The following RELL1 variants were observed in gnomAD, a reference collection of about 807,000 sequenced individuals.
RELL1 encodes the protein RELT-like protein 1.
In RELL1, 10 loss-of-function variants were observed where a neutral mutation model predicts 23.0. The observed-to-expected ratio is 0.43, with a 90% CI of 0.27 to 0.74. The LOEUF is 0.74. Among genes scored for constraint, RELL1 ranks in the 30% least tolerant of loss-of-function variants. The probability of loss-of-function intolerance (pLI) is 0.19; values close to 1 mark genes in which losing one functional copy is unlikely to be tolerated. For synonymous variants in RELL1, 146 were observed against 146.8 expected (o/e 0.99, Z 0.04); for missense variants, 315 against 364.4 (o/e 0.86, Z 1.10).
In RELL1 at chr4:37,622,782, T is replaced by C. The variant is rs1214076960; in HGVS notation, c.*3+8603A>G. On this transcript the variant is annotated intron_variant, in intron 6 of 6. Transcript: ENST00000454158. ...ACACAGCAAACTGCCTGGCACATAG[T>C]AGGGTCTCAAGTAATGCTTTTTTTT... 4 of 449,964 alleles carry C rather than the reference T, an allele frequency of 8.9e-6. No homozygotes were observed. In the Admixed American group the frequency reaches 9.5e-5, roughly 11 times the overall value. 27.9% of individuals were successfully genotyped at this position (449,964 alleles called of 1,614,324 possible). A position where few individuals can be genotyped will look rare whatever the true frequency, so the allele number is the denominator to read the frequency against.
chr4:37,624,117 A>C (rs896987836), intron 6 of RELL1, among the ~76,000 whole-genome samples: 3 of 152,112 alleles, frequency 2.0e-5, no homozygotes, highest in African/African-American at 7.2e-5. Context: ...GCCTTTCCTC[A>C]CTGTTAGAGG....
At chr4:37,590,104 G>T, downstream of RELL1, 2 of 1,613,230 alleles carry the variant, frequency 1.2e-6, no homozygotes, top group South Asian at 2.2e-5. Flanking sequence ...CTTTGATCCA[G>T]TTCAAGTGCC....
intron 6 of RELL1, 141 bp from the exon 7 acceptor site, chr4:37,613,483 T>G (rs894749200): frequency 6.6e-6 from 1 of 151,358 alleles, no homozygotes; most frequent in Admixed American, 6.6e-5. Flanking sequence ...CCATTCCTTC[T>G]ACCACTGTAC....
chr4:37,677,349 C>T (rs1220357792), intron 1 of RELL1, among the ~76,000 whole-genome samples: 1 of 152,216 alleles, frequency 6.6e-6, no homozygotes, highest in African/African-American at 2.4e-5. Context: ...TCTGCATCTG[C>T]TAAATAAAAG....
At chr4:37,589,041 G>C, downstream of RELL1, 1 of 579,814 alleles carries the variant, frequency 1.7e-6, no homozygotes. Flanking sequence ...GTTTGGAATT[G>C]TTATAATATC....
chr4:37,673,822 G>C (rs75594269), intron 1 of RELL1, among the ~76,000 whole-genome samples: 1 of 151,980 alleles, frequency 6.6e-6, no homozygotes, highest in Non-Finnish European at 1.5e-5. Flanking sequence ...CCTATCCTCC[G>C]CAACTACACA....
At chr4:37,590,747 C>T (rs149531145), downstream of RELL1, 80 of 1,614,118 alleles carry the variant, frequency 5.0e-5, no homozygotes, top group Admixed American at 8.2e-4. Context: ...GGTTTGAATA[C>T]GCCCTTCTCT....
intron 2 of RELL1, 71 bp from the exon 3 acceptor site, chr4:37,647,510 C>T (rs973599866): frequency 2.0e-6 from 2 of 1,019,814 alleles, no homozygotes; most frequent in South Asian, 1.3e-5. Context: ...AATCTTAGAA[C>T]CCAAGACCTC....
chr4:37,604,792 C>T (rs1415449184), intron 6 of RELL1, among the ~76,000 whole-genome samples: 1 of 100,720 alleles, frequency 9.9e-6, no homozygotes, highest in Non-Finnish European at 2.0e-5. Flanking sequence ...CACAGACACA[C>T]ACACAGACAC....
At chr4:37,618,007 C>G (rs980043128) in intron 6 of RELL1, among the ~76,000 whole-genome samples, 1 of 152,160 alleles carries the variant, frequency 6.6e-6, no homozygotes, top group East Asian at 1.9e-4. Flanking sequence ...GATGAGAAGA[C>G]ACCATCCAAA....
At chr4:37,623,073 G>C in intron 6 of RELL1, 1 of 332,810 alleles carries the variant, frequency 3.0e-6, no homozygotes, top group Non-Finnish European at 5.9e-6. Flanking sequence ...AAAGTGCTGA[G>C]ATTACAGGTG....
At chr4:37,590,317 G>C, downstream of RELL1, 1 of 1,613,814 alleles carries the variant, frequency 6.2e-7, no homozygotes, top group East Asian at 2.2e-5. Context: ...CCCACAGGGG[G>C]ACGCTGGAGG....
chr4:37,641,293 G>C (rs1257750020), intron 3 of RELL1, among the ~76,000 whole-genome samples: 1 of 152,054 alleles, frequency 6.6e-6, no homozygotes, highest in African/African-American at 2.4e-5. Flanking sequence ...ACACACATGC[G>C]TCCCTGTCTC....
At chr4:37,632,084 G>GAAAAAA (rs1183120605) in intron 5 of RELL1, among the ~76,000 whole-genome samples, 23 of 44,460 alleles carry the variant, frequency 5.2e-4, no homozygotes, top group African/African-American at 1.3e-3. Flanking sequence ...TCTCAATAAG[G>GAAAAAA]AAAAAAAAAA....
intron 1 of RELL1, among the ~76,000 whole-genome samples, chr4:37,678,355 G>A (rs1308323043): frequency 6.6e-6 from 1 of 152,170 alleles, no homozygotes; most frequent in Non-Finnish European, 1.5e-5. Context: ...ATTTGGGCAG[G>A]GACAAATATA....
intron 6 of RELL1, among the ~76,000 whole-genome samples, chr4:37,628,118 C>T (rs568834937): frequency 6.2e-4 from 95 of 152,230 alleles, no homozygotes; most frequent in Non-Finnish European, 9.9e-4. Flanking sequence ...ATATTCCCTT[C>T]CTTCCTTTTT....
intron 1 of RELL1, among the ~76,000 whole-genome samples, chr4:37,673,286 C>G (rs1443543172): frequency 7.0e-6 from 1 of 141,846 alleles, no homozygotes; most frequent in Non-Finnish European, 1.5e-5. Context: ...CACCTCTGGG[C>G]TTAAGTGATC....
At chr4:37,597,797 TCC>T (rs988295652) in intron 6 of RELL1, among the ~76,000 whole-genome samples, 1 of 152,082 alleles carries the variant, frequency 6.6e-6, no homozygotes, top group Non-Finnish European at 1.5e-5. Flanking sequence ...ATGCCTGTAA[TCC>T]CAGCACTTTG....
At chr4:37,600,889 T>C (rs180717085) in intron 6 of RELL1, among the ~76,000 whole-genome samples, 1 of 152,268 alleles carries the variant, frequency 6.6e-6, no homozygotes, top group Admixed American at 6.5e-5. Flanking sequence ...TATAATGTTA[T>C]GATTTCAAGA....
Sources: gnomAD v4.1 joint callset for allele counts (sites outside exome capture counted in the v4.1 genomes callset) on GRCh38, gnomAD v4.1.1 for gene constraint, MANE v1.5 for transcripts, NCBI Gene and HGNC (gene_info 2026-07-23, HGNC 2026-07-21) for gene names.